Variants in SFMBT1 observed in about 807,000 individuals in gnomAD.
The protein encoded by SFMBT1 is scm-like with four MBT domains protein 1.
SFMBT1 carries 32 observed loss-of-function variants against 108.7 expected under a neutral mutation model. The observed-to-expected ratio is 0.29, with a 90% CI of 0.22 to 0.40. The LOEUF is 0.40. Ranked by LOEUF, SFMBT1 falls within the 10% of genes least tolerant of loss-of-function variation. The probability of loss-of-function intolerance (pLI) is 1.00; values close to 1 mark genes in which losing one functional copy is unlikely to be tolerated. For synonymous variants in SFMBT1, 348 were observed against 369.5 expected (o/e 0.94, Z 0.67); for missense variants, 816 against 1,059.6 (o/e 0.77, Z 3.19).
chr3:52,930,187 C>T lies in SFMBT1; in HGVS notation c.897+142G>A. On this transcript the variant is annotated intron_variant, in intron 8 of 20. Coordinates refer to ENST00000394752, the MANE Select transcript of SFMBT1 (RefSeq NM_016329.4). ...CACAGCAAACTGGACAAATACAAAACGTGCACAGAAGTAATTCTAGCTGCA... is the reference window on the plus strand; with the variant it reads ...CACAGCAAACTGGACAAATACAAAATGTGCACAGAAGTAATTCTAGCTGCA... 3 of 620,308 alleles carry T rather than the reference C, an allele frequency of 4.8e-6. No homozygotes were observed. In the South Asian group the frequency reaches 6.0e-5, roughly 12 times the overall value. 38.4% of individuals were successfully genotyped at this position (620,308 alleles called of 1,614,324 possible). A position where few individuals can be genotyped will look rare whatever the true frequency, so the allele number is the denominator to read the frequency against.
Position 52,995,843 on chromosome 3 carries a change from G to A in SFMBT1, c.-130-26585C>T, listed in dbSNP as rs187543906. ...TCTTAGCACTTTGGGAGGCTGAGGC[G>A]GGTGGATCACCTCAGGTCAGGAGTT... On this transcript the variant is annotated intron_variant, in intron 1 of 20. Transcript: ENST00000394752. 1.2e-3 allele frequency among the ~76,000 whole-genome samples: 182 copies of A among 149,824 alleles called. 13 individuals are homozygous for A. Among genetic ancestry groups the A allele is most frequent in the Admixed American group, 2.0e-3 (29 of 14,846 alleles).
intron 1 of SFMBT1, among the ~76,000 whole-genome samples, chr3:52,972,873 C>CACAA (rs1553639763): frequency 6.7e-6 from 1 of 150,100 alleles, no homozygotes; most frequent in Non-Finnish European, 1.5e-5. Context: ...CACACACACA[C>CACAA]ACTAGCTGAG....
At position 52,996,568 on chromosome 3, in the gene SFMBT1, T is replaced by G. The variant is rs1698338503; in HGVS notation, c.-130-27310A>C. The stretch of plus-strand genomic sequence containing the variant: ...AATAGGTACTTCAGCAAAGAAAATA[T>G]ATGAATGGCAAGCACATGAAAAGAT... On this transcript the variant is annotated intron_variant, in intron 1 of 20. Coordinates refer to ENST00000394752, the MANE Select transcript of SFMBT1 (RefSeq NM_016329.4). Among the ~76,000 whole-genome samples the G allele has an allele frequency of 1.3e-5, 2 of 150,236 alleles. 1 individual carries two copies. The highest frequency in any genetic ancestry group is 3.0e-5 in the Non-Finnish European group (2 of 67,122).
At chr3:52,929,975 A>G (rs1361087169) in intron 8 of SFMBT1, among the ~76,000 whole-genome samples, 1 of 152,206 alleles carries the variant, frequency 6.6e-6, no homozygotes, top group African/African-American at 2.4e-5. Flanking sequence ...TGAGCTCTGC[A>G]TCTGGTTAGA....
intron 1 of SFMBT1, chr3:53,044,829 G>C (rs1413320235): frequency 6.6e-6 from 1 of 152,640 alleles, no homozygotes. Flanking sequence ...ACCCCCACCT[G>C]ACCCAAGCGT....
chr3:52,992,911 A>T (rs943120387), intron 1 of SFMBT1, among the ~76,000 whole-genome samples: 3 of 152,190 alleles, frequency 2.0e-5, no homozygotes, highest in African/African-American at 7.2e-5. Context: ...ACTGTGCCTG[A>T]CAGTGGTGAG....
intron 4 of SFMBT1, among the ~76,000 whole-genome samples, chr3:52,939,037 A>G (rs1703105871): frequency 6.6e-6 from 1 of 152,216 alleles, no homozygotes; most frequent in African/African-American, 2.4e-5. Flanking sequence ...TCTTAAGTAC[A>G]TTACATTCCA....
chr3:53,007,416 T>C (rs1340022692), intron 1 of SFMBT1, among the ~76,000 whole-genome samples: 2 of 152,230 alleles, frequency 1.3e-5, no homozygotes, highest in South Asian at 2.1e-4. Flanking sequence ...AAATATCTTC[T>C]ATTTCTTTGC....
chr3:52,939,019 A>G (rs1703105450), intron 4 of SFMBT1, among the ~76,000 whole-genome samples: 1 of 152,178 alleles, frequency 6.6e-6, no homozygotes, highest in Non-Finnish European at 1.5e-5. Context: ...TTTCTCTTTC[A>G]TTACATTTCT....
intron 4 of SFMBT1, among the ~76,000 whole-genome samples, chr3:52,942,553 C>T (rs935332990): frequency 1.3e-5 from 2 of 152,204 alleles, no homozygotes; most frequent in Non-Finnish European, 2.9e-5. Flanking sequence ...CACTCTGTCA[C>T]CCAGGCTGGA....
At chr3:52,988,106 G>C (rs926911780) in intron 1 of SFMBT1, among the ~76,000 whole-genome samples, 1 of 152,200 alleles carries the variant, frequency 6.6e-6, no homozygotes, top group Non-Finnish European at 1.5e-5. Flanking sequence ...AGTTATAGTG[G>C]TTGACTTAGA....
At chr3:52,941,085 T>C (rs1703166067) in intron 4 of SFMBT1, among the ~76,000 whole-genome samples, 1 of 152,164 alleles carries the variant, frequency 6.6e-6, no homozygotes. Flanking sequence ...TGCAATGTGA[T>C]TCTAGACAGG....
intron 1 of SFMBT1, among the ~76,000 whole-genome samples, chr3:52,989,877 C>T (rs1237409712): frequency 6.6e-6 from 1 of 152,038 alleles, no homozygotes; most frequent in African/African-American, 2.4e-5. Flanking sequence ...TTGAAACAGA[C>T]GTCTGAAGTC....
At chr3:53,013,738 C>T (rs1699034746) in intron 1 of SFMBT1, among the ~76,000 whole-genome samples, 2 of 142,670 alleles carry the variant, frequency 1.4e-5, no homozygotes, top group South Asian at 4.5e-4. Context: ...AAGCGATTCT[C>T]CTGTCTCAGC....
At chr3:52,989,412 G>C (rs62253656) in intron 1 of SFMBT1, among the ~76,000 whole-genome samples, 41,841 of 134,948 alleles carry the variant, frequency 0.31, 6,512 homozygotes, top group Middle Eastern at 0.45. Flanking sequence ...ACTCCAGCCT[G>C]ACTCCATCTC....
chr3:52,928,135 G>A, intron 9 of SFMBT1, 56 bp downstream of exon 9: 2 of 1,579,138 alleles, frequency 1.3e-6, no homozygotes, highest in South Asian at 1.2e-5. Flanking sequence ...CATCTGACAT[G>A]TCTCATTTCA....
At chr3:52,939,471 G>A (rs377094863) in intron 4 of SFMBT1, among the ~76,000 whole-genome samples, 3 of 152,196 alleles carry the variant, frequency 2.0e-5, no homozygotes, top group Admixed American at 2.0e-4. Context: ...CTACTCAGGA[G>A]GCTGAGGCAG....
chr3:52,964,143 A>G (rs1575406118), intron 2 of SFMBT1, among the ~76,000 whole-genome samples: 1 of 152,344 alleles, frequency 6.6e-6, no homozygotes, highest in East Asian at 1.9e-4. Flanking sequence ...GTGCCCAGCT[A>G]AAACCCTGTA....
intron 4 of SFMBT1, among the ~76,000 whole-genome samples, chr3:52,943,041 G>A (rs1283589780): frequency 6.6e-6 from 1 of 152,076 alleles, no homozygotes; most frequent in Non-Finnish European, 1.5e-5. Flanking sequence ...ACATCAGTCT[G>A]GCCCAACGGG....
Sources: gnomAD v4.1 joint callset for allele counts (sites outside exome capture counted in the v4.1 genomes callset) on GRCh38, gnomAD v4.1.1 for gene constraint, MANE v1.5 for transcripts, NCBI Gene and HGNC (gene_info 2026-07-23, HGNC 2026-07-21) for gene names.